The following COL4A3 variants were observed in gnomAD, a reference collection of about 807,000 sequenced individuals.
COL4A3 encodes the protein collagen alpha-3(IV) chain.
A neutral mutation model predicts 217.4 loss-of-function variants in COL4A3; 135 were observed. The observed-to-expected ratio is 0.62, with a 90% CI of 0.54 to 0.72. COL4A3 has a LOEUF of 0.72. Among genes scored for constraint, COL4A3 ranks in the 30% least tolerant of loss-of-function variants. COL4A3 has a pLI of 0.00. For synonymous variants in COL4A3, 690 were observed against 736.3 expected (o/e 0.94, Z 1.02); for missense variants, 1,868 against 2,119.9 (o/e 0.88, Z 2.33).
chr2:227,231,433 T>C (rs28380122), intron 1 of COL4A3, among the ~76,000 whole-genome samples: 48,706 of 152,010 alleles, frequency 0.32, 8,250 homozygotes, highest in Non-Finnish European at 0.36. Context: ...GATGTTTTGA[T>C]ACAGGCATGC....
At chr2:227,254,857 T>G in intron 15 of COL4A3, 142 bp downstream of exon 15, 1 of 712,478 alleles carries the variant, frequency 1.4e-6, no homozygotes, top group Non-Finnish European at 2.5e-6. Flanking sequence ...CAGGATTTAC[T>G]TACTCAAGTA....
chr2:227,254,631 T>C (rs1476026480), intron 14 of COL4A3, 25 bp from the exon 15 acceptor site: 2 of 1,577,670 alleles, frequency 1.3e-6, no homozygotes, highest in African/African-American at 1.3e-5. Context: ...ATTCATAAAA[T>C]TTGACATGGC....
intron 34 of COL4A3, among the ~76,000 whole-genome samples, chr2:227,288,768 T>C (rs1278124834): frequency 2.0e-5 from 3 of 152,212 alleles, no homozygotes; most frequent in African/African-American, 7.2e-5. Flanking sequence ...ACTGTGCTAA[T>C]GCTTGACACA....
In COL4A3 at chr2:227,269,935, A is replaced by G. The variant is rs780865844; in HGVS notation, c.1530A>G (p.Lys510=). ...IPGRQGAAGL[K]GSPGSPGNTG... ...GAAGACAAGGCGCAGCTGGCTTGAA[A>G]GGAAGCCCAGGGTCCCCAGGAAATA... is the stretch of plus-strand genomic sequence containing the variant. The change falls in exon 24 of 52, where the codon AAA becomes AAG. Residue 510 remains lysine, a synonymous_variant. Transcript: ENST00000396578. 7 of 1,613,848 alleles carry G rather than the reference A, an allele frequency of 4.3e-6. No individual in the cohort carries two copies. The highest frequency in any genetic ancestry group is 5.9e-6 in the Non-Finnish European group (7 of 1,179,896).
chr2:227,299,367 C>G (rs200811847), intron 43 of COL4A3, among the ~76,000 whole-genome samples: 1 of 152,136 alleles, frequency 6.6e-6, no homozygotes, highest in Non-Finnish European at 1.5e-5. Flanking sequence ...TGCACTCCAG[C>G]CTGGGTGACA....
intron 1 of COL4A3, among the ~76,000 whole-genome samples, chr2:227,183,619 G>T (rs1368522834): frequency 1.3e-5 from 2 of 152,198 alleles, no homozygotes; most frequent in African/African-American, 2.4e-5. Context: ...AGATGAGATA[G>T]TATGTCCAAG....
chr2:227,314,250 G>A lies in COL4A3; in HGVS notation c.*2380G>A, dbSNP rs904816349. The stretch of plus-strand genomic sequence containing the variant: ...TTACCAGTATTTAACTTCTGAGGAA[G>A]ACAAGTGATGCTAAAACCTGAAATT... On this transcript the variant is annotated 3_prime_UTR_variant, in exon 52 of 52. Transcript: ENST00000396578. 1.3e-5 allele frequency: 2 copies of A among 152,636 alleles called. No individual in the cohort carries two copies. Among genetic ancestry groups the A allele is most frequent in the African/African-American group, 4.8e-5 (2 of 41,444 alleles). 9.5% of individuals were successfully genotyped at this position (152,636 alleles called of 1,614,324 possible). A position where few individuals can be genotyped will look rare whatever the true frequency, so the allele number is the denominator to read the frequency against.
At chr2:227,293,140 C>T in intron 37 of COL4A3, 51 bp from the exon 38 acceptor site, 1 of 1,610,558 alleles carries the variant, frequency 6.2e-7, no homozygotes, top group Non-Finnish European at 8.5e-7. Flanking sequence ...TGAATTCTTA[C>T]CACATATCCT....
chr2:227,276,153 C>G (rs2071546118), intron 26 of COL4A3, among the ~76,000 whole-genome samples: 1 of 152,146 alleles, frequency 6.6e-6, no homozygotes, highest in Admixed American at 6.5e-5. Context: ...AAACAGGAAA[C>G]AGGTTAAAAC....
chr2:227,179,859 GCAAA>G (rs1248124850), intron 1 of COL4A3, among the ~76,000 whole-genome samples: 14 of 152,272 alleles, frequency 9.2e-5, no homozygotes, highest in Non-Finnish European at 1.2e-4. Flanking sequence ...ATATGGAAAA[GCAAA>G]CTTTGAGTGG....
intron 1 of COL4A3, among the ~76,000 whole-genome samples, chr2:227,195,707 G>A (rs2066447507): frequency 6.6e-6 from 1 of 151,136 alleles, no homozygotes; most frequent in Non-Finnish European, 1.5e-5. Flanking sequence ...ATGTGTGTGT[G>A]TATGCTGTAG....
intron 1 of COL4A3, among the ~76,000 whole-genome samples, chr2:227,165,854 C>G (rs1317780428): frequency 8.5e-6 from 1 of 117,376 alleles, no homozygotes; most frequent in African/African-American, 4.7e-5. Context: ...GAAACTAAAG[C>G]CCTCTCTGAC....
intron 23 of COL4A3, among the ~76,000 whole-genome samples, chr2:227,269,568 C>A (rs543293829): frequency 6.6e-6 from 1 of 152,188 alleles, no homozygotes; most frequent in South Asian, 2.1e-4. Flanking sequence ...CAAATATTAT[C>A]TTCTGGTAGA....
intron 1 of COL4A3, among the ~76,000 whole-genome samples, chr2:227,201,429 T>C (rs1005044323): frequency 6.6e-6 from 1 of 152,218 alleles, no homozygotes; most frequent in Non-Finnish European, 1.5e-5. Context: ...CAGGCTTACA[T>C]TGTATTTGCC....
chr2:227,241,603 G>T (rs1323594109), intron 3 of COL4A3, among the ~76,000 whole-genome samples: 2 of 152,140 alleles, frequency 1.3e-5, no homozygotes, highest in African/African-American at 4.8e-5. Context: ...GAGCCCTGGA[G>T]GCGGAGGCTG....
chr2:227,299,113 C>T (rs1297277025), intron 43 of COL4A3, among the ~76,000 whole-genome samples: 8 of 152,028 alleles, frequency 5.3e-5, no homozygotes, highest in Admixed American at 2.0e-4. Context: ...ACCATCAGAT[C>T]GGCCGGGCAT....
intron 1 of COL4A3, among the ~76,000 whole-genome samples, chr2:227,192,420 C>T (rs1045381914): frequency 4.1e-5 from 5 of 121,392 alleles, no homozygotes; most frequent in Non-Finnish European, 9.1e-5. Context: ...CAGACCCTGA[C>T]CAGGGCAGGA....
intron 1 of COL4A3, among the ~76,000 whole-genome samples, chr2:227,226,676 GC>G (rs1439235177): frequency 6.6e-6 from 1 of 152,130 alleles, no homozygotes; most frequent in Non-Finnish European, 1.5e-5. Context: ...CCCCCAGTTG[GC>G]CAGGCTGGCC....
At chr2:227,299,189 A>T (rs1391513499) in intron 43 of COL4A3, among the ~76,000 whole-genome samples, 1 of 152,142 alleles carries the variant, frequency 6.6e-6, no homozygotes, top group Non-Finnish European at 1.5e-5. Flanking sequence ...AGGTCAGGAG[A>T]TCGAGACCAT....
Sources: allele counts gnomAD v4.1 joint callset (sites outside exome capture counted in the v4.1 genomes callset), GRCh38; gene constraint gnomAD v4.1.1; transcripts MANE v1.5; gene names NCBI Gene and HGNC (gene_info 2026-07-23, HGNC 2026-07-21).